The following EPG5 variants were observed in gnomAD, a reference collection of about 807,000 sequenced individuals.
EPG5 encodes ectopic P granules protein 5 homolog.
A neutral mutation model predicts 302.7 loss-of-function variants in EPG5; 159 were observed. The observed-to-expected ratio is 0.53, with a 90% confidence interval of 0.46 to 0.60. The LOEUF (loss-of-function observed/expected upper bound fraction) is 0.60, where lower values mean the gene tolerates loss of function less well. Ranked by LOEUF, EPG5 falls within the 20% of genes least tolerant of loss-of-function variation. EPG5 has a pLI of 0.00. For missense variants in EPG5, 2,896 were observed against 3,092.4 expected (o/e 0.94, Z 1.51); for synonymous variants, 1,158 against 1,136.8 (o/e 1.02, Z -0.37).
rs541143442 is a variant in EPG5 at position 45,888,626 on chromosome 18, G to A, written c.4953-719C>T. Among the ~76,000 whole-genome samples, 17 of 151,968 alleles carry A rather than the reference G, an allele frequency of 1.1e-4. No individual in the cohort carries two copies. The South Asian group carries it at 3.5e-3, about 32-fold the overall frequency. On this transcript the variant is annotated intron_variant, in intron 28 of 43. Coordinates refer to ENST00000282041, the MANE Select transcript of EPG5 (RefSeq NM_020964.3). ...GGCCAATTTTTGTATTTTTAATAGA[G>A]ATGGGGTTTCACCACGTTGGTCAGG...
chr18:45,939,051 G>T (rs1040538223), intron 10 of EPG5, among the ~76,000 whole-genome samples: 14 of 152,198 alleles, frequency 9.2e-5, no homozygotes, highest in African/African-American at 3.4e-4. Flanking sequence ...AGGGAGCACG[G>T]GATGTGCAGC....
At chr18:45,953,356 A>C (rs1335933432) in intron 2 of EPG5, 2 of 985,148 alleles carry the variant, frequency 2.0e-6, no homozygotes, top group Non-Finnish European at 2.4e-6. Flanking sequence ...AGTTCTACTC[A>C]AGAGAATACA....
rs112643058 is a variant in EPG5, at chr18:45,852,280, A to AACACACAC, written c.*179_*186dup. 4.7e-4 allele frequency: 230 copies of AACACACAC among 488,478 alleles called. No homozygotes were observed. The highest frequency in any genetic ancestry group is 3.7e-3 in the African/African-American group (181 of 49,072). 30.3% of individuals were successfully genotyped at this position (488,478 alleles called of 1,614,324 possible). On this transcript the variant is annotated 3_prime_UTR_variant, in exon 44 of 44. Transcript: ENST00000282041. ...CCCAGAAGGTCTTAAGAGCTAAGAA[A>AACACACAC]ACACACACACACACACACACACACC...
chr18:45,882,955 C>T (rs1479240859), intron 30 of EPG5, among the ~76,000 whole-genome samples: 1 of 148,258 alleles, frequency 6.7e-6, no homozygotes, highest in East Asian at 2.0e-4. Context: ...TGCAGTGAGC[C>T]GAGATCACGC....
chr18:45,901,765 CCACACA>C (rs58432761), intron 25 of EPG5, among the ~76,000 whole-genome samples: 13 of 146,658 alleles, frequency 8.9e-5, no homozygotes, highest in Admixed American at 2.1e-4. Flanking sequence ...CAATCCTGTG[CCACACA>C]CACACACACA....
In EPG5 at chr18:45,847,777, G is replaced by A. The variant is rs1001372912; in HGVS notation, c.*4690C>T. 1.3e-5 allele frequency: 2 copies of A among 152,496 alleles called. No homozygotes were observed. The highest frequency in any genetic ancestry group is 4.2e-4 in the South Asian group (2 of 4,806). 9.4% of individuals were successfully genotyped at this position (152,496 alleles called of 1,614,324 possible). On this transcript the variant is annotated 3_prime_UTR_variant, in exon 44 of 44. Coordinates refer to ENST00000282041, the MANE Select transcript of EPG5 (RefSeq NM_020964.3). ...ATTTAATGTCCAAAATAAAGTTGTG[G>A]TTTTTAAAGGTCACACTAGATATGT...
intron 6 of EPG5, 101 bp downstream of exon 6, chr18:45,948,401 TC>T: frequency 1.1e-6 from 1 of 908,700 alleles, no homozygotes; most frequent in South Asian, 1.4e-5. Flanking sequence ...TGCCAACACT[TC>T]CCTTAGCTGT....
At chr18:45,949,452 A>G (rs1568182065) in intron 5 of EPG5, 32 bp downstream of exon 5, 1 of 1,365,004 alleles carries the variant, frequency 7.3e-7, no homozygotes, top group East Asian at 2.3e-5. Context: ...CTCTCCCCCA[A>G]CCCCTCAGAA....
intron 7 of EPG5, among the ~76,000 whole-genome samples, chr18:45,945,349 A>T (rs2050763527): frequency 6.6e-6 from 1 of 152,132 alleles, no homozygotes; most frequent in Non-Finnish European, 1.5e-5. Flanking sequence ...TGCCCAGGTG[A>T]TTCTAGTATA....
chr18:45,833,919 A>G, the EPG5 span, among the ~76,000 whole-genome samples: 2 of 131,238 alleles, frequency 1.5e-5, no homozygotes, highest in East Asian at 1.9e-4. Flanking sequence ...GGAAATATGG[A>G]AAAAAACCCA....
chr18:45,922,901 T>C lies in EPG5; in HGVS notation c.2839-301A>G, dbSNP rs73953912. ...TTTAACCATCAGGACGGAGGTCTCA[T>C]ATATAGCGCTTGTCAATTTTGGTGG... On this transcript the variant is annotated intron_variant, in intron 15 of 43. Coordinates refer to ENST00000282041, the MANE Select transcript of EPG5 (RefSeq NM_020964.3). Among the ~76,000 whole-genome samples the C allele has an allele frequency of 0.019, 2,884 of 152,310 alleles. 107 individuals are homozygous for C. Among genetic ancestry groups the C allele is most frequent in the African/African-American group, 0.066 (2,729 of 41,562 alleles).
intron 13 of EPG5, 74 bp from the exon 14 acceptor site, chr18:45,925,976 T>C (rs1222857240): frequency 3.1e-6 from 3 of 963,372 alleles, no homozygotes; most frequent in Non-Finnish European, 4.1e-6. Context: ...TATTATATTA[T>C]TAAACTGCTT....
chr18:45,914,826 C>T (rs188235321), intron 20 of EPG5, among the ~76,000 whole-genome samples: 1 of 152,272 alleles, frequency 6.6e-6, no homozygotes, highest in Non-Finnish European at 1.5e-5. Context: ...TTCCACTGAA[C>T]CTCAGTTACA....
chr18:45,804,740 AT>A, the EPG5 span, among the ~76,000 whole-genome samples: 33 of 152,354 alleles, frequency 2.2e-4, no homozygotes, highest in Non-Finnish European at 3.7e-4. Context: ...AAAGTTCTTT[AT>A]CTGAAGATAA....
At chr18:45,921,869 A>G (rs964815301) in intron 16 of EPG5, among the ~76,000 whole-genome samples, 1 of 151,698 alleles carries the variant, frequency 6.6e-6, no homozygotes, top group Non-Finnish European at 1.5e-5. Flanking sequence ...GTAAATGATG[A>G]GTTAATGACT....
In EPG5 at chr18:45,867,644, G is replaced by A. The variant is rs1270117192; in HGVS notation, c.6330C>T (p.His2110=). The A allele has an allele frequency of 6.2e-7, 1 of 1,614,094 alleles. No homozygotes were observed. Among genetic ancestry groups the A allele is most frequent in the Non-Finnish European group, 8.5e-7 (1 of 1,179,986 alleles). The stretch of plus-strand genomic sequence containing the variant: ...AGACAATCATGCTGCGGGTTTCTGG[G>A]TGGGGACTGGAATTCCAGGCATCAG... ...VLSDAWNSSP[H]PETRSMIVCL... Residue 2110 remains histidine, a synonymous_variant, in exon 37 of 44, where the codon CAC becomes CAT. Transcript: ENST00000282041.
chr18:45,863,988 T>G (rs1291741785), intron 39 of EPG5, among the ~76,000 whole-genome samples: 3 of 152,200 alleles, frequency 2.0e-5, no homozygotes, highest in Non-Finnish European at 4.4e-5. Flanking sequence ...TTGCTATCTC[T>G]TCAGATATTG....
intron 27 of EPG5, among the ~76,000 whole-genome samples, chr18:45,891,591 A>C (rs1456920260): frequency 6.6e-6 from 1 of 152,100 alleles, no homozygotes; most frequent in African/African-American, 2.4e-5. Flanking sequence ...AACTCTGACA[A>C]TACACTGAGC....
chr18:45,961,117 C>A (rs905700065), intron 1 of EPG5, among the ~76,000 whole-genome samples: 1 of 152,208 alleles, frequency 6.6e-6, no homozygotes. Context: ...CTCCTCACCA[C>A]CTTCTCTCTG....
Sources: allele counts gnomAD v4.1 joint callset (sites outside exome capture counted in the v4.1 genomes callset), GRCh38; gene constraint gnomAD v4.1.1; transcripts MANE v1.5; gene names NCBI Gene and HGNC (gene_info 2026-07-23, HGNC 2026-07-21).